Variants in SMG7 observed in about 807,000 individuals in gnomAD.
The protein encoded by SMG7 is SMG7 nonsense mediated mRNA decay factor.
A neutral mutation model predicts 148.2 loss-of-function variants in SMG7; 34 were observed. That is an observed-to-expected ratio of 0.23 (90% CI 0.17 to 0.31). The LOEUF is 0.31. SMG7 is among the 10% of genes least tolerant of loss of function. SMG7 has a pLI of 1.00. For synonymous variants in SMG7, 492 were observed against 515.1 expected (o/e 0.96, Z 0.61); for missense variants, 1,114 against 1,408.4 (o/e 0.79, Z 3.35).
intron 11 of SMG7, among the ~76,000 whole-genome samples, 158 bp downstream of exon 11, chr1:183,537,373 A>G (rs1195676050): frequency 1.3e-5 from 2 of 152,206 alleles, no homozygotes; most frequent in Non-Finnish European, 2.9e-5. Context: ...GGGTGGAAGT[A>G]GATAATGTTC....
At chr1:183,549,339 A>G (rs758164897) in intron 19 of SMG7, 51 bp downstream of exon 19, 4 of 1,248,614 alleles carry the variant, frequency 3.2e-6, no homozygotes, top group South Asian at 2.4e-5. Context: ...TAGACTGATC[A>G]TTGTCTTTCT....
rs1662132205 is a variant in SMG7, at chr1:183,511,439, C to G, written c.30-1398C>G. ...AAAAGATGAGTGGTAATTAAGCAGA[C>G]GAAGGGGGAAGAGGTGTTGCTAGCA... On this transcript the variant is annotated intron_variant, in intron 1 of 22. Coordinates refer to ENST00000688051, the MANE Select transcript of SMG7 (RefSeq NM_001375584.1). Among the ~76,000 whole-genome samples the G allele has an allele frequency of 2.6e-5, 4 of 152,114 alleles. No homozygotes were observed. In the South Asian group the frequency reaches 8.3e-4, roughly 32 times the overall value.
At chr1:183,538,508 G>A in intron 12 of SMG7, 68 bp downstream of exon 12, 1 of 1,091,952 alleles carries the variant, frequency 9.2e-7, no homozygotes, top group Non-Finnish European at 1.4e-6. Flanking sequence ...AGAGAATTGG[G>A]CTTGGATGTA....
chr1:183,496,213 C>A (rs890098378), intron 1 of SMG7, among the ~76,000 whole-genome samples: 3 of 151,998 alleles, frequency 2.0e-5, no homozygotes, highest in Non-Finnish European at 2.9e-5. Context: ...TATTAGTTAT[C>A]TTTCCTTCTT....
Position 183,552,781 on chromosome 1 carries a change from G to T in SMG7, c.*850G>T. 7.1e-7 allele frequency: 1 copy of T among 1,402,432 alleles called. No homozygotes were observed. Among genetic ancestry groups the T allele is most frequent in the Non-Finnish European group, 9.3e-7 (1 of 1,080,958 alleles). The allele number at this position is 1,402,432 out of a possible 1,614,324, so 86.9% of individuals were successfully genotyped here. A position where few individuals can be genotyped will look rare whatever the true frequency, so the allele number is the denominator to read the frequency against. On this transcript the variant is annotated 3_prime_UTR_variant, in exon 23 of 23. Transcript: ENST00000688051. ...CGCACAGCAAGCAGTCTCACAGAAG[G>T]CAGGCTAGTCCATTCACAGCCTGAC... is the stretch of plus-strand genomic sequence containing the variant.
intron 1 of SMG7, among the ~76,000 whole-genome samples, chr1:183,490,184 A>G (rs1462689118): frequency 6.6e-6 from 1 of 152,252 alleles, no homozygotes; most frequent in Non-Finnish European, 1.5e-5. Flanking sequence ...ACAATGATAA[A>G]AGACCCTAAC....
chr1:183,487,295 A>G (rs1655696004), intron 1 of SMG7, among the ~76,000 whole-genome samples: 1 of 152,050 alleles, frequency 6.6e-6, no homozygotes, highest in Non-Finnish European at 1.5e-5. Flanking sequence ...GCCAGTAGTC[A>G]CATTACTCTA....
chr1:183,510,553 G>A (rs988928447), intron 1 of SMG7, among the ~76,000 whole-genome samples: 11 of 151,704 alleles, frequency 7.3e-5, no homozygotes, highest in Non-Finnish European at 1.5e-5. Context: ...GTTCTTATAG[G>A]GCTTATGGTT....
rs969835077 is a variant in SMG7, at chr1:183,552,146, C to T, written c.*215C>T. On this transcript the variant is annotated 3_prime_UTR_variant, in exon 23 of 23. Coordinates refer to ENST00000688051, the MANE Select transcript of SMG7 (RefSeq NM_001375584.1). ...TCAGGAACTCTCCGTCCCCCCGGGG[C>T]CCTCCGGAGGGAGAGAGAGAGGAAC... 3.0e-5 allele frequency: 37 copies of T among 1,247,630 alleles called. No homozygotes were observed. Among genetic ancestry groups the T allele is most frequent in the Non-Finnish European group, 3.5e-5 (35 of 986,066 alleles). The allele number at this position is 1,247,630 out of a possible 1,614,324, so 77.3% of individuals were successfully genotyped here.
intron 22 of SMG7, 46 bp downstream of exon 22, chr1:183,551,236 GGT>G: frequency 6.6e-7 from 1 of 1,523,686 alleles, no homozygotes; most frequent in East Asian, 2.3e-5. Context: ...TTACAGCAAA[GGT>G]GTCTCTGCTT....
intron 1 of SMG7, chr1:183,472,912 G>A: frequency 2.5e-6 from 1 of 394,702 alleles, no homozygotes; most frequent in Non-Finnish European, 4.5e-6. Context: ...GAGAATGTGC[G>A]CGCGCGCCCT....
intron 1 of SMG7, among the ~76,000 whole-genome samples, chr1:183,494,756 CTTTTTTTTTT>C (rs141159130): frequency 2.0e-4 from 3 of 15,278 alleles, no homozygotes; most frequent in African/African-American, 4.2e-4. Context: ...AGCCCTTGTT[CTTTTTTTTTT>C]TTTTTTTTTT....
At chr1:183,534,022 G>A (rs1315495320) in intron 10 of SMG7, among the ~76,000 whole-genome samples, 190 bp downstream of exon 10, 1 of 152,108 alleles carries the variant, frequency 6.6e-6, no homozygotes, top group Non-Finnish European at 1.5e-5. Context: ...TTCATGTGAG[G>A]CTTAGTCTTA....
In SMG7 at chr1:183,542,184, A is replaced by T; in HGVS notation, c.1524A>T (p.Glu508Asp). Reference sequence around the variant, plus strand: ...CCAAAGAGAACCTCATTCTGCAAGAAACATCTGTGATAGAGTCGCTGGCTG... The same window carrying T: ...CCAAAGAGAACCTCATTCTGCAAGATACATCTGTGATAGAGTCGCTGGCTG... ...SEAKENLILQ[E>D]TSVIESLAAD... The change falls in exon 14 of 23, where the codon GAA (glutamate) becomes GAT (aspartate). Residue 508 changes from glutamate (E) to aspartate (D), a missense_variant. Physicochemically the swap from Glu to Asp is conservative, Grantham distance 45 (BLOSUM62 2). Around this residue, in one of 4 missense-constraint regions of SMG7, gnomAD observed 788 missense variants for 894.5 expected, o/e 0.88. Coordinates refer to ENST00000688051, the MANE Select transcript of SMG7 (RefSeq NM_001375584.1). 1 of 1,614,166 alleles carries T rather than the reference A, an allele frequency of 6.2e-7. No homozygotes were observed. The highest frequency in any genetic ancestry group is 2.2e-5 in the East Asian group (1 of 44,880).
At chr1:183,512,280 T>A (rs1480144272) in intron 1 of SMG7, among the ~76,000 whole-genome samples, 1 of 152,168 alleles carries the variant, frequency 6.6e-6, no homozygotes, top group African/African-American at 2.4e-5. Flanking sequence ...AAATATTAAA[T>A]AAGAGGTGCA....
chr1:183,506,797 A>G (rs193166850), intron 1 of SMG7, among the ~76,000 whole-genome samples: 3 of 152,072 alleles, frequency 2.0e-5, no homozygotes, highest in Middle Eastern at 6.8e-3. Flanking sequence ...GAGTTCAGGC[A>G]GAAGGAATCT....
At chr1:183,499,498 T>C (rs1659282265) in intron 1 of SMG7, among the ~76,000 whole-genome samples, 1 of 152,244 alleles carries the variant, frequency 6.6e-6, no homozygotes, top group African/African-American at 2.4e-5. Context: ...AGACGTTTTA[T>C]GTGGAGCATC....
Position 183,545,069 on chromosome 1 carries a change from A to T in SMG7, c.2127A>T (p.Gln709His). 1 of 1,614,062 alleles carries T rather than the reference A, an allele frequency of 6.2e-7. No homozygotes were observed. Among genetic ancestry groups the T allele is most frequent in the East Asian group, 2.2e-5 (1 of 44,874 alleles). ...TAHSPAGNQV[Q>H]AGKQSHIPYS... is the part of the protein sequence containing the mutation. ...ACTCTCCAGCAGGAAACCAGGTGCAAGCTGGGAAACAGTCCCACATTCCTT... is the reference window on the plus strand; with the variant it reads ...ACTCTCCAGCAGGAAACCAGGTGCATGCTGGGAAACAGTCCCACATTCCTT... Residue 709 changes from glutamine (Q) to histidine (H), a missense_variant, in exon 16 of 23, where the codon CAA (glutamine) becomes CAT (histidine). Gln to His is a conservative substitution (Grantham distance 24). Around this residue, in one of 4 missense-constraint regions of SMG7, gnomAD observed 788 missense variants for 894.5 expected, o/e 0.88. Coordinates refer to ENST00000688051, the MANE Select transcript of SMG7 (RefSeq NM_001375584.1).
intron 1 of SMG7, among the ~76,000 whole-genome samples, chr1:183,504,763 C>G (rs191965748): frequency 7.8e-4 from 118 of 152,182 alleles, no homozygotes; most frequent in Admixed American, 9.8e-4. Context: ...CAGCTTATCC[C>G]CCTCTTACTT....
Sources: gnomAD v4.1 joint callset for allele counts (sites outside exome capture counted in the v4.1 genomes callset) on GRCh38, gnomAD v4.1.1 for gene constraint, gnomAD v4.1.1 regional missense constraint, MANE v1.5 for transcripts, NCBI Gene and HGNC (gene_info 2026-07-23, HGNC 2026-07-21) for gene names.